The following IDS variants were observed in gnomAD, a reference collection of about 807,000 sequenced individuals.
IDS encodes alpha-L-iduronate sulfate sulfatase.
IDS carries 1 observed loss-of-function variant against 33.5 expected under a neutral mutation model. That is an observed-to-expected ratio of 0.03 (90% CI 0.01 to 0.14). The LOEUF (loss-of-function observed/expected upper bound fraction) is 0.14. IDS is among the 10% of genes least tolerant of loss of function. The pLI is 1.00. For missense variants in IDS, 328 were observed against 448.0 expected, an observed-to-expected ratio of 0.73 and a Z score of 2.42; for synonymous variants, 191 against 184.4, an observed-to-expected ratio of 1.04 and a Z score of -0.29.
At chrX:149,486,817 A>G in intron 8 of IDS, 108 bp downstream of exon 8, 1 of 846,904 alleles carries the variant, frequency 1.2e-6, no homozygotes, top group Admixed American at 2.4e-5. Flanking sequence ...ACAAGGCAGG[A>G]AGGGGGGGTC....
At chrX:149,488,454 G>C (rs1490504131) in intron 7 of IDS, among the ~76,000 whole-genome samples, 3 of 110,810 alleles carry the variant, frequency 2.7e-5, no homozygotes, top group African/African-American at 9.9e-5. Flanking sequence ...GAGGGAACCT[G>C]GCAGTGCGAC....
intron 2 of IDS, 84 bp from the exon 3 acceptor site, chrX:149,503,573 C>G (rs1557340305): frequency 9.2e-7 from 1 of 1,082,554 alleles, no homozygotes; most frequent in Non-Finnish European, 1.3e-6. Context: ...ACCGCCCTCC[C>G]GAGGCTCCTA....
chrX:149,496,296 G>A (rs782784572), intron 6 of IDS, 50 bp downstream of exon 6: 6 of 1,112,727 alleles, frequency 5.4e-6, no homozygotes, highest in Middle Eastern at 3.0e-4. Flanking sequence ...TTTCACCTAC[G>A]ACACTATGTC....
At chrX:149,485,355 T>C (rs1557337949) in intron 8 of IDS, among the ~76,000 whole-genome samples, 1 of 112,339 alleles carries the variant, frequency 8.9e-6, no homozygotes, top group African/African-American at 3.2e-5. Flanking sequence ...ACAGTGGCAG[T>C]CTGGTCCAAG....
rs2089293666 is a variant in IDS, at chrX:149,481,024, C to T, written c.*1722G>A. On this transcript the variant is annotated 3_prime_UTR_variant, in exon 9 of 9. Transcript: ENST00000340855. ...AAGGTTATATGAAGCAACAAAGATA[C>T]AGTTTCTCTAAGCCAAGTAAAGGTA... 8.9e-6 allele frequency: 1 copy of T among 112,279 alleles called. No individual in the cohort carries two copies. The highest frequency in any genetic ancestry group is 1.9e-5 in the Non-Finnish European group (1 of 53,278). The allele number at this position is 112,279 out of a possible 1,213,427, so 9.3% of individuals were successfully genotyped here. A position where few individuals can be genotyped will look rare whatever the true frequency, so the allele number is the denominator to read the frequency against.
At chrX:149,492,629 C>T (rs975029811) in intron 6 of IDS, among the ~76,000 whole-genome samples, 4 of 110,526 alleles carry the variant, frequency 3.6e-5, no homozygotes, top group African/African-American at 6.6e-5. Context: ...TCTTTCAAGG[C>T]GAGAAATTGA....
intron 7 of IDS, chrX:149,487,462 C>G (rs1197125588): frequency 2.0e-6 from 1 of 490,975 alleles, no homozygotes; most frequent in African/African-American, 2.4e-5. Context: ...GGCTGGGAAC[C>G]CTGAAAGCTG....
At chrX:149,484,537 G>C (rs2089319802) in intron 8 of IDS, among the ~76,000 whole-genome samples, 2 of 112,613 alleles carry the variant, frequency 1.8e-5, no homozygotes, top group African/African-American at 6.5e-5. Context: ...GGCCAGGATG[G>C]TCTTGATCTC....
intron 1 of IDS, 136 bp from the exon 2 acceptor site, chrX:149,504,429 CTCAGCAAGGGT>C: frequency 4.4e-6 from 3 of 683,550 alleles, no homozygotes; most frequent in Non-Finnish European, 6.7e-6. Flanking sequence ...GGCGCTGTGC[CTCAGCAAGGGT>C]GGGAGTGGGG....
chrX:149,482,353 T>A lies in IDS; in HGVS notation c.*393A>T. On this transcript the variant is annotated 3_prime_UTR_variant, in exon 9 of 9. Coordinates refer to ENST00000340855, the MANE Select transcript of IDS (RefSeq NM_000202.8). Reference sequence around the variant, plus strand: ...GGTGCCTAGTTTGATATATGATTACTTTTTGAAATGCACTAAATTCCACAA... The same window carrying A: ...GGTGCCTAGTTTGATATATGATTACATTTTGAAATGCACTAAATTCCACAA... 1 of 156,616 alleles carries A rather than the reference T, an allele frequency of 6.4e-6. No individual in the cohort carries two copies. Among genetic ancestry groups the A allele is most frequent in the African/African-American group, 3.1e-5 (1 of 32,329 alleles). 12.9% of individuals were successfully genotyped at this position (156,616 alleles called of 1,213,427 possible). A position where few individuals can be genotyped will look rare whatever the true frequency, so the allele number is the denominator to read the frequency against.
Position 149,500,991 on chromosome X carries a change from A to G in IDS, c.465T>C (p.Phe155=), listed in dbSNP as rs149210251. ...TCTCAGAGGAAGGATGATAAGGTGGAAAAGACCAGCTATACGGAGAATCAT... is the reference window on the plus strand; with the variant it reads ...TCTCAGAGGAAGGATGATAAGGTGGGAAAGACCAGCTATACGGAGAATCAT... ...HTDDSPYSWS[F]PPYHPSSEKY... is the part of the protein sequence containing the mutation. The change falls in exon 4 of 9, where the codon TTT becomes TTC. Residue 155 remains phenylalanine, a synonymous_variant. Coordinates refer to ENST00000340855, the MANE Select transcript of IDS (RefSeq NM_000202.8). The G allele has an allele frequency of 5.1e-6, 6 of 1,185,983 alleles. No homozygotes were observed. The highest frequency in any genetic ancestry group is 6.9e-6 in the Non-Finnish European group (6 of 871,605).
chrX:149,485,511 C>G (rs782677592), intron 8 of IDS, among the ~76,000 whole-genome samples: 1 of 111,783 alleles, frequency 8.9e-6, no homozygotes, highest in Non-Finnish European at 1.9e-5. Context: ...AGTGACTATT[C>G]TCATTTCTTG....
chrX:149,498,239 G>A lies in IDS; in HGVS notation c.576C>T (p.Pro192=), dbSNP rs1286461259. The change falls in exon 5 of 9, where the codon CCC becomes CCT. Residue 192 remains proline (P), a synonymous_variant. Transcript: ENST00000340855. ...LLCPVDVLDV[P]EGTLPDKQST... is the part of the protein sequence containing the mutation. ...TCTGTTTGTCAGGCAAGGTGCCCTC[G>A]GGAACATCCAGCACATCCACAGGGC... is the stretch of plus-strand genomic sequence containing the variant. The A allele has an allele frequency of 1.2e-5, 15 of 1,210,016 alleles. No homozygotes were observed. Among genetic ancestry groups the A allele is most frequent in the South Asian group, 5.3e-5 (3 of 56,860 alleles).
intron 7 of IDS, among the ~76,000 whole-genome samples, chrX:149,488,771 C>T (rs1334166097): frequency 5.4e-5 from 6 of 111,473 alleles, no homozygotes; most frequent in Non-Finnish European, 1.1e-4. Flanking sequence ...AAGGAGAACG[C>T]GTGCCTGTGT....
At position 149,501,048 on chromosome X, in the gene IDS, A is replaced by T. The variant is rs782126196; in HGVS notation, c.419-11T>A. The T allele has an allele frequency of 9.2e-7, 1 of 1,088,444 alleles. No homozygotes were observed. Among genetic ancestry groups the T allele is most frequent in the East Asian group, 3.0e-5 (1 of 33,484 alleles). 89.7% of individuals were successfully genotyped at this position (1,088,444 alleles called of 1,213,427 possible). ...GGTTAGAAGATATCCCTTGGAAAAA[A>T]AAAAAGGTTGTTAAAACATGATGAG... On this transcript the variant is annotated splice_polypyrimidine_tract_variant and intron_variant, in intron 3 of 8. Transcript: ENST00000340855.
In IDS at chrX:149,478,796, T is replaced by C. The variant is rs145834006; in HGVS notation, c.*3950A>G. 9 of 112,105 alleles carry C rather than the reference T, an allele frequency of 8.0e-5. No individual in the cohort carries two copies. In the East Asian group the frequency reaches 2.2e-3, roughly 28 times the overall value. The allele number at this position is 112,105 out of a possible 1,213,427, so 9.2% of individuals were successfully genotyped here. ...CAAAGGAAAATGAATATTTATTCAA[T>C]GTCCAGATTGGGGAGGGGTCTGTGT... On this transcript the variant is annotated 3_prime_UTR_variant, in exon 9 of 9. Coordinates refer to ENST00000340855, the MANE Select transcript of IDS (RefSeq NM_000202.8).
chrX:149,495,913 C>CAGCT (rs2089432525), intron 6 of IDS, among the ~76,000 whole-genome samples: 1 of 112,477 alleles, frequency 8.9e-6, no homozygotes, highest in Non-Finnish European at 1.9e-5. Flanking sequence ...CTGAGAGTGA[C>CAGCT]AGCTAGCCAG....
intron 8 of IDS, among the ~76,000 whole-genome samples, chrX:149,486,194 C>T (rs1490163893): frequency 1.8e-5 from 2 of 111,605 alleles, no homozygotes; most frequent in African/African-American, 6.5e-5. Flanking sequence ...GGTATCTGGT[C>T]CAACTGGTAT....
Position 149,486,947 on chromosome X carries a change from G to A in IDS, c.1158C>T (p.Ser386=), listed in dbSNP as rs372340411. 9.6e-5 allele frequency: 116 copies of A among 1,210,044 alleles called. 1 individual carries two copies. The highest frequency in any genetic ancestry group is 4.6e-4 in the Middle Eastern group (2 of 4,376). ...KLFPYLDPFD[S]ASQLMEPGRQ... is the part of the protein sequence containing the mutation. ...TACCTGGCTCCATCAACTGTGAGGC[G>A]GAATCAAAAGGGTCGAGGTAAGGGA... The change falls in exon 8 of 9, where the codon TCC becomes TCT. Residue 386 remains serine (S), a synonymous_variant. Transcript: ENST00000340855.
Sources: allele counts gnomAD v4.1 joint callset (sites outside exome capture counted in the v4.1 genomes callset), GRCh38; gene constraint gnomAD v4.1.1; transcripts MANE v1.5; gene names NCBI Gene and HGNC (gene_info 2026-07-23, HGNC 2026-07-21).